OAS1: variants seen among roughly 807,000 people sequenced by gnomAD.
OAS1 encodes the protein 2'-5'-oligoadenylate synthetase 1, also known as 2'-5'-oligoadenylate synthase 1.
In OAS1, 24 loss-of-function variants were observed where a neutral mutation model predicts 38.5. That is an observed-to-expected ratio of 0.62 (90% CI 0.45 to 0.88). OAS1 has a LOEUF of 0.88. OAS1 is among the 40% of genes least tolerant of loss of function. The pLI is 0.00. For missense variants in OAS1, 482 were observed against 493.9 expected, an observed-to-expected ratio of 0.98 and a Z score of 0.23; for synonymous variants, 169 against 193.9, an observed-to-expected ratio of 0.87 and a Z score of 1.07.
At position 112,907,207 on chromosome 12, in the gene OAS1, C is replaced by T. The variant is rs1345108531; in HGVS notation, c.168C>T (p.Ser56=). The change falls in exon 1 of 6, where the codon TCC becomes TCT. Residue 56 remains serine (S), a synonymous_variant. Coordinates refer to ENST00000202917, the MANE Select transcript of OAS1 (RefSeq NM_016816.4). ...GTAGCTCCTACCCTGTGTGTGTGTCCAAGGTGGTAAAGGTGAGTCCAGGCC... is the reference window on the plus strand; with the variant it reads ...GTAGCTCCTACCCTGTGTGTGTGTCTAAGGTGGTAAAGGTGAGTCCAGGCC... ...FRGSSYPVCV[S]KVVKGGSSGK... is the part of the protein sequence containing the mutation. 2 of 1,613,922 alleles carry T rather than the reference C, an allele frequency of 1.2e-6. No homozygotes were observed. Among genetic ancestry groups the T allele is most frequent in the Non-Finnish European group, 1.7e-6 (2 of 1,179,980 alleles).
intron 2 of OAS1, chr12:112,909,142 C>T (rs1217182400): frequency 7.4e-6 from 3 of 405,240 alleles, no homozygotes; most frequent in Non-Finnish European, 8.7e-6. Flanking sequence ...GTTCATGTTA[C>T]TCTCATCTTT....
At chr12:112,907,334 T>G in intron 1 of OAS1, 115 bp downstream of exon 1, 1 of 971,994 alleles carries the variant, frequency 1.0e-6, no homozygotes, top group East Asian at 2.5e-5. Context: ...GGTGCAAATG[T>G]GAGTACAGAG....
chr12:112,919,275 C>T, intron 5 of OAS1, 114 bp from the exon 6 acceptor site: 1 of 1,005,228 alleles, frequency 9.9e-7, no homozygotes, highest in Non-Finnish European at 1.5e-6. Context: ...CTTGTTAGTC[C>T]TTCCTCAAAG....
At chr12:112,926,928 A>G (rs1191890360) in intron 6 of OAS1, among the ~76,000 whole-genome samples, 2 of 152,170 alleles carry the variant, frequency 1.3e-5, no homozygotes, top group African/African-American at 4.8e-5. Context: ...GCTGTTAATT[A>G]TTAATATTCC....
At chr12:112,929,277 C>T (rs895586467) in intron 6 of OAS1, among the ~76,000 whole-genome samples, 1 of 152,198 alleles carries the variant, frequency 6.6e-6, no homozygotes, top group Non-Finnish European at 1.5e-5. Context: ...GGAAAGCTTT[C>T]CAAGGGGTCC....
At position 112,919,687 on chromosome 12, in the gene OAS1, C is replaced by A; in HGVS notation, c.*134C>A. 1 of 1,551,880 alleles carries A rather than the reference C, an allele frequency of 6.4e-7. No homozygotes were observed. ...GTATAATCCAGGACAGAACCCAGGT[C>A]TCCTGACTCCTGGCCTTCTATGCCC... On this transcript the variant is annotated 3_prime_UTR_variant, in exon 6 of 6. Coordinates refer to ENST00000202917, the MANE Select transcript of OAS1 (RefSeq NM_016816.4).
Position 112,916,510 on chromosome 12 carries a change from G to T in OAS1, c.656G>T (p.Cys219Phe). Residue 219 changes from cysteine to phenylalanine, a missense_variant and splice_region_variant, in exon 4 of 6, where the codon TGT (cysteine) becomes TTT (phenylalanine). Cys to Phe is a radical substitution (Grantham distance 205, BLOSUM62 -2). Coordinates refer to ENST00000202917, the MANE Select transcript of OAS1 (RefSeq NM_016816.4). ...IRLVKHWYQNCKKKLGKLPPQ... is the reference protein window; with the variant it reads ...IRLVKHWYQNFKKKLGKLPPQ... ...TCTGATTGTTTTTCCTCTTCTCAGT[G>T]TAAGAAGAAGCTTGGGAAGCTGCCA... is the stretch of plus-strand genomic sequence containing the variant. 1 of 1,612,052 alleles carries T rather than the reference G, an allele frequency of 6.2e-7. No homozygotes were observed. Among genetic ancestry groups the T allele is most frequent in the Non-Finnish European group, 8.5e-7 (1 of 1,178,148 alleles).
chr12:112,922,447 T>C (rs150783489), downstream of OAS1, among the ~76,000 whole-genome samples: 1 of 152,248 alleles, frequency 6.6e-6, no homozygotes, highest in East Asian at 1.9e-4. Context: ...GTTAACCAGG[T>C]CCCTAACCCT....
intron 6 of OAS1, among the ~76,000 whole-genome samples, chr12:112,927,774 T>C (rs2043568950): frequency 6.6e-6 from 1 of 152,222 alleles, no homozygotes; most frequent in South Asian, 2.1e-4. Flanking sequence ...GATTTTTTTT[T>C]CCGCTGTGCT....
rs376698282 is a variant in OAS1 at position 112,908,316 on chromosome 12, T to C, written c.181-220T>C. On this transcript the variant is annotated intron_variant, in intron 1 of 5. Coordinates refer to ENST00000202917, the MANE Select transcript of OAS1 (RefSeq NM_016816.4). ...TACTAGCTGGGTGATGGGGCTGATA[T>C]ATTATCTCACTGAGCATCCATTTTC... Among the ~76,000 whole-genome samples the C allele has an allele frequency of 3.4e-4, 52 of 152,298 alleles. 1 individual carries two copies. The South Asian group carries it at 5.0e-3, about 15-fold the overall frequency.
chr12:112,909,612 C>A (rs1392912515), intron 2 of OAS1, among the ~76,000 whole-genome samples: 2 of 152,132 alleles, frequency 1.3e-5, no homozygotes, highest in Non-Finnish European at 2.9e-5. Flanking sequence ...TGTCAGTGAG[C>A]CACGAATGTA....
In OAS1 at chr12:112,916,709, G is replaced by T; in HGVS notation, c.855G>T (p.Lys285Asn). ...YYDFKNPIIEKYLRRQLTKPR... is the reference protein window; with the variant it reads ...YYDFKNPIIENYLRRQLTKPR... ...ACTTTAAAAACCCCATTATTGAAAA[G>T]TACCTGAGAAGGCAGCTCACGAAAC... The change falls in exon 4 of 6, where the codon AAG (lysine) becomes AAT (asparagine). Residue 285 changes from lysine to asparagine, a missense_variant. Lys to Asn is a moderately conservative substitution (Grantham distance 94, BLOSUM62 0). Coordinates refer to ENST00000202917, the MANE Select transcript of OAS1 (RefSeq NM_016816.4). 1.2e-6 allele frequency: 2 copies of T among 1,614,100 alleles called. No individual in the cohort carries two copies. Among genetic ancestry groups the T allele is most frequent in the Non-Finnish European group, 1.7e-6 (2 of 1,180,004 alleles).
chr12:112,932,070 CTA>C (rs1357651045), exon 7 of OAS1: 10 of 604,988 alleles, frequency 1.7e-5, no homozygotes, highest in Admixed American at 2.8e-5. Flanking sequence ...ACCTCTCTCT[CTA>C]CTTAAAATTA....
rs112149027 is a variant in OAS1 at position 112,919,903 on chromosome 12, A to G, written c.*350A>G. ...TAACAATAAAAATAAAGCAAATACC[A>G]TTTATTGGGTGTTTATTAACTTCAA... On this transcript the variant is annotated 3_prime_UTR_variant, in exon 6 of 6. Coordinates refer to ENST00000202917, the MANE Select transcript of OAS1 (RefSeq NM_016816.4). 7.4e-4 allele frequency: 471 copies of G among 636,696 alleles called. 2 individuals are homozygous for G. The African/African-American group carries it at 7.9e-3, about 11-fold the overall frequency. 39.4% of individuals were successfully genotyped at this position (636,696 alleles called of 1,614,324 possible). A position where few individuals can be genotyped will look rare whatever the true frequency, so the allele number is the denominator to read the frequency against.
At position 112,916,524 on chromosome 12, in the gene OAS1, G is replaced by C; in HGVS notation, c.670G>C (p.Gly224Arg). 1 of 1,614,036 alleles carries C rather than the reference G, an allele frequency of 6.2e-7. No individual in the cohort carries two copies. Among genetic ancestry groups the C allele is most frequent in the Non-Finnish European group, 8.5e-7 (1 of 1,179,946 alleles). Reference sequence around the variant, plus strand: ...CTCTTCTCAGTGTAAGAAGAAGCTTGGGAAGCTGCCACCTCAGTATGCCCT... The same window carrying C: ...CTCTTCTCAGTGTAAGAAGAAGCTTCGGAAGCTGCCACCTCAGTATGCCCT... Reference protein sequence around the residue: ...HWYQNCKKKLGKLPPQYALEL... With the variant: ...HWYQNCKKKLRKLPPQYALEL... Residue 224 changes from glycine to arginine, a missense_variant, in exon 4 of 6, where the codon GGG becomes CGG. Gly to Arg is a moderately radical substitution (Grantham distance 125, BLOSUM62 -2). Transcript: ENST00000202917.
In OAS1 at chr12:112,907,101, T is replaced by G; in HGVS notation, c.62T>G (p.Leu21Trp). The G allele has an allele frequency of 6.2e-7, 1 of 1,614,216 alleles. No homozygotes were observed. Among genetic ancestry groups the G allele is most frequent in the Non-Finnish European group, 8.5e-7 (1 of 1,180,044 alleles). ...SLDKFIEDYLLPDTCFRMQIN... is the reference protein window; with the variant it reads ...SLDKFIEDYLWPDTCFRMQIN... Reference sequence around the variant, plus strand: ...GACAAGTTCATTGAAGACTATCTCTTGCCAGACACGTGTTTCCGCATGCAA... The same window carrying G: ...GACAAGTTCATTGAAGACTATCTCTGGCCAGACACGTGTTTCCGCATGCAA... The change falls in exon 1 of 6, where the codon TTG becomes TGG. Residue 21 changes from leucine (L) to tryptophan (W), a missense_variant. Transcript: ENST00000202917.
chr12:112,919,777 T>G lies in OAS1; in HGVS notation c.*224T>G. 2 of 1,435,114 alleles carry G rather than the reference T, an allele frequency of 1.4e-6. No homozygotes were observed. The highest frequency in any genetic ancestry group is 1.9e-4 in the Middle Eastern group (1 of 5,370). The allele number at this position is 1,435,114 out of a possible 1,614,324, so 88.9% of individuals were successfully genotyped here. ...CATTCCACCTATTCTCTGAAAATAT[T>G]CCCTGAGAGAGAACAGAGAGATTTA... On this transcript the variant is annotated 3_prime_UTR_variant, in exon 6 of 6. Transcript: ENST00000202917.
intron 3 of OAS1, among the ~76,000 whole-genome samples, chr12:112,911,639 G>A (rs770719423): frequency 1.2e-4 from 19 of 152,304 alleles, no homozygotes; most frequent in Non-Finnish European, 2.8e-4. Flanking sequence ...ACAAATATAT[G>A]TTCAGATGCC....
At chr12:112,916,940 AT>A in intron 4 of OAS1, 1 of 559,256 alleles carries the variant, frequency 1.8e-6, no homozygotes, top group Non-Finnish European at 3.2e-6. Flanking sequence ...TATGCCAATT[AT>A]TTTACAGGTG....
Sources: allele counts gnomAD v4.1 joint callset (sites outside exome capture counted in the v4.1 genomes callset), GRCh38; gene constraint gnomAD v4.1.1; transcripts MANE v1.5; gene names NCBI Gene and HGNC (gene_info 2026-07-23, HGNC 2026-07-21).